The following USP6NL variants were observed in gnomAD, a reference collection of about 807,000 sequenced individuals.
USP6NL encodes USP6 N-terminal like.
In USP6NL, 26 loss-of-function variants were observed where a neutral mutation model predicts 61.9. The observed-to-expected ratio is 0.42, with a 90% CI of 0.31 to 0.58. The LOEUF (loss-of-function observed/expected upper bound fraction) is 0.58. Among genes scored for constraint, USP6NL ranks in the 20% least tolerant of loss-of-function variants. USP6NL has a pLI of 0.16. For synonymous variants in USP6NL, 432 were observed against 390.1 expected (o/e 1.11, Z -1.27); for missense variants, 1,114 against 1,034.3 (o/e 1.08, Z -1.06).
At position 11,478,250 on chromosome 10, in the gene USP6NL, C is replaced by T. The variant is rs552358836; in HGVS notation, c.1078+3520G>A. On this transcript the variant is annotated intron_variant, in intron 14 of 14. Coordinates refer to ENST00000609104, the MANE Select transcript of USP6NL (RefSeq NM_014688.5). This position sits in a 1 kb window ranked among gnomAD's most constrained non-coding sequence, Gnocchi z 6.8. ...GCTTAGGCTCCAACGCCAGTGGCAGCAGCGACGTCCACACACCTGAGGCTG... is the reference window on the plus strand; with the variant it reads ...GCTTAGGCTCCAACGCCAGTGGCAGTAGCGACGTCCACACACCTGAGGCTG... Among the ~76,000 whole-genome samples, 467 of 152,334 alleles carry T rather than the reference C, an allele frequency of 3.1e-3. 1 individual carries two copies. Among genetic ancestry groups the T allele is most frequent in the Non-Finnish European group, 5.7e-3 (390 of 68,026 alleles).
At position 11,525,904 on chromosome 10, in the gene USP6NL, G is replaced by T. The variant is rs1004897685; in HGVS notation, c.73-436C>A. On this transcript the variant is annotated intron_variant, in intron 3 of 14. Transcript: ENST00000609104. This position sits in a 1 kb window ranked among gnomAD's most constrained non-coding sequence, Gnocchi z 5.0. ...AGAGAAGCAGGCAGAGAAGCTCCTC[G>T]TCTAGTTCTTTACTTCACAGCTATG... Among the ~76,000 whole-genome samples, 1 of 152,198 alleles carries T rather than the reference G, an allele frequency of 6.6e-6. No homozygotes were observed. The highest frequency in any genetic ancestry group is 1.5e-5 in the Non-Finnish European group (1 of 68,030).
At position 11,465,795 on chromosome 10, in the gene USP6NL, T is replaced by C. The variant is rs1468790844; in HGVS notation, c.1079-1946A>G. Among the ~76,000 whole-genome samples, 1 of 152,188 alleles carries C rather than the reference T, an allele frequency of 6.6e-6. No homozygotes were observed. Among genetic ancestry groups the C allele is most frequent in the East Asian group, 1.9e-4 (1 of 5,196 alleles). On this transcript the variant is annotated intron_variant, in intron 14 of 14. Transcript: ENST00000609104. The surrounding 1 kb of genome is among the most constrained non-coding windows in gnomAD (Gnocchi z 4.5). ...GACATGAGGCGTTTCTAAGGGCAGC[T>C]ACCCTTAGCTCTATATCCCCAATCT...
chr10:11,471,333 C>G (rs1016619729), intron 14 of USP6NL, among the ~76,000 whole-genome samples: 1 of 152,168 alleles, frequency 6.6e-6, no homozygotes, highest in Admixed American at 6.5e-5. Flanking sequence ...ACAACAGGTG[C>G]TGGAGAGGAT....
chr10:11,483,720 C>T (rs1180832178), intron 13 of USP6NL, among the ~76,000 whole-genome samples: 1 of 77,888 alleles, frequency 1.3e-5, no homozygotes, highest in Non-Finnish European at 2.5e-5. Context: ...GTTGGGGGGC[C>T]GGTGCGGGGA....
rs1209153349 is a variant in USP6NL at position 11,548,914 on chromosome 10, C to G, written c.5-21347G>C. On this transcript the variant is annotated intron_variant, in intron 2 of 14. Coordinates refer to ENST00000609104, the MANE Select transcript of USP6NL (RefSeq NM_014688.5). The surrounding 1 kb of genome is among the most constrained non-coding windows in gnomAD (Gnocchi z 4.3). The stretch of plus-strand genomic sequence containing the variant: ...AGTGCTATTATACCCAGAAAAGTCC[C>G]TAAAGACCATTATTTCCTTTTAAAC... Among the ~76,000 whole-genome samples the G allele has an allele frequency of 6.6e-6, 1 of 152,078 alleles. No individual in the cohort carries two copies. The highest frequency in any genetic ancestry group is 1.5e-5 in the Non-Finnish European group (1 of 67,974).
At chr10:11,560,241 A>C (rs1256118438) in intron 2 of USP6NL, among the ~76,000 whole-genome samples, 1 of 152,180 alleles carries the variant, frequency 6.6e-6, no homozygotes, top group Non-Finnish European at 1.5e-5. Flanking sequence ...TGTTCACAGC[A>C]ACTTCTGAAA....
chr10:11,516,333 G>A (rs998945824), intron 5 of USP6NL, among the ~76,000 whole-genome samples: 4 of 152,192 alleles, frequency 2.6e-5, no homozygotes, highest in African/African-American at 9.6e-5. Flanking sequence ...TGCTTCAAGT[G>A]TATGCTCTAT....
intron 2 of USP6NL, among the ~76,000 whole-genome samples, chr10:11,579,380 A>C (rs1441252879): frequency 6.6e-6 from 1 of 152,224 alleles, no homozygotes; most frequent in Non-Finnish European, 1.5e-5. Context: ...CTTAGCATAG[A>C]GTGTGGCCTC....
chr10:11,594,575 A>G (rs1367117991), intron 2 of USP6NL, among the ~76,000 whole-genome samples: 1 of 152,096 alleles, frequency 6.6e-6, no homozygotes. Context: ...TCCTATCTCT[A>G]GAGTCCAGAA....
intron 2 of USP6NL, among the ~76,000 whole-genome samples, chr10:11,549,382 A>G (rs1422685667): frequency 1.3e-5 from 2 of 152,218 alleles, no homozygotes; most frequent in African/African-American, 4.8e-5. Flanking sequence ...AGAATCCAAA[A>G]TAAGTTTTTG....
chr10:11,502,151 C>T (rs1400823958), intron 6 of USP6NL, among the ~76,000 whole-genome samples: 1 of 150,640 alleles, frequency 6.6e-6, no homozygotes, highest in African/African-American at 2.4e-5. Flanking sequence ...CCCAGCTACT[C>T]GGGAGGCTGA....
At chr10:11,577,026 C>G (rs1837572347) in intron 2 of USP6NL, among the ~76,000 whole-genome samples, 1 of 149,790 alleles carries the variant, frequency 6.7e-6, no homozygotes, top group African/African-American at 2.5e-5. Flanking sequence ...TCCTAAAATC[C>G]TTTTTTAAAA....
rs1161325315 is a variant in USP6NL at position 11,575,149 on chromosome 10, T to C, written c.4+22482A>G. Reference sequence around the variant, plus strand: ...CTCACAAACTAAATCAAAGTAAGAGTTCAGATGGGTCAAAGACTAAGTTTT... The same window carrying C: ...CTCACAAACTAAATCAAAGTAAGAGCTCAGATGGGTCAAAGACTAAGTTTT... On this transcript the variant is annotated intron_variant, in intron 2 of 14. Transcript: ENST00000609104. The surrounding 1 kb of genome is among the most constrained non-coding windows in gnomAD (Gnocchi z 4.2). Among the ~76,000 whole-genome samples, 1 of 152,166 alleles carries C rather than the reference T, an allele frequency of 6.6e-6. No individual in the cohort carries two copies. The highest frequency in any genetic ancestry group is 1.5e-5 in the Non-Finnish European group (1 of 68,020).
At chr10:11,529,845 G>A (rs1412252893) in intron 2 of USP6NL, among the ~76,000 whole-genome samples, 1 of 152,114 alleles carries the variant, frequency 6.6e-6, no homozygotes, top group Non-Finnish European at 1.5e-5. Context: ...AGCTGGGTGT[G>A]GTGGCTCACT....
chr10:11,558,973 A>C (rs191206284), intron 2 of USP6NL, among the ~76,000 whole-genome samples: 1 of 152,336 alleles, frequency 6.6e-6, no homozygotes, highest in East Asian at 1.9e-4. Flanking sequence ...GAAAAACAAA[A>C]CATTGAAAAG....
At chr10:11,582,088 C>G (rs1233122072) in intron 2 of USP6NL, among the ~76,000 whole-genome samples, 1 of 152,208 alleles carries the variant, frequency 6.6e-6, no homozygotes, top group African/African-American at 2.4e-5. Context: ...CCACAGCCTC[C>G]CGAGTAGCTG....
rs1030895242 is a variant in USP6NL at position 11,588,193 on chromosome 10, T to C, written c.4+9438A>G. ...AGAAAATCTGAGGAACTATTCCAGATTGGAGGAGAGTAAAGAGACTGGATG... is the reference window on the plus strand; with the variant it reads ...AGAAAATCTGAGGAACTATTCCAGACTGGAGGAGAGTAAAGAGACTGGATG... On this transcript the variant is annotated intron_variant, in intron 2 of 14. Coordinates refer to ENST00000609104, the MANE Select transcript of USP6NL (RefSeq NM_014688.5). Among the ~76,000 whole-genome samples the C allele has an allele frequency of 2.6e-5, 4 of 152,162 alleles. No individual in the cohort carries two copies. The East Asian group carries it at 7.7e-4, about 29-fold the overall frequency.
Position 11,474,700 on chromosome 10 carries a change from T to A in USP6NL, c.1078+7070A>T, listed in dbSNP as rs1832893961. Among the ~76,000 whole-genome samples, 1 of 151,736 alleles carries A rather than the reference T, an allele frequency of 6.6e-6. No homozygotes were observed. The highest frequency in any genetic ancestry group is 2.4e-5 in the African/African-American group (1 of 41,128). On this transcript the variant is annotated intron_variant, in intron 14 of 14. Coordinates refer to ENST00000609104, the MANE Select transcript of USP6NL (RefSeq NM_014688.5). The surrounding 1 kb of genome is among the most constrained non-coding windows in gnomAD (Gnocchi z 4.9). The stretch of plus-strand genomic sequence containing the variant: ...GAAAATTTGTCCTTGAATTAATGAT[T>A]TTTTTTAAAAAAAACTTGCATCAAC...
At chr10:11,550,825 A>T (rs1836453451) in intron 2 of USP6NL, among the ~76,000 whole-genome samples, 2 of 152,076 alleles carry the variant, frequency 1.3e-5, no homozygotes, top group African/African-American at 4.8e-5. Flanking sequence ...ATTTGAATAG[A>T]CACTTCACAA....
Sources: allele counts gnomAD v4.1 joint callset (sites outside exome capture counted in the v4.1 genomes callset), GRCh38; gene constraint gnomAD v4.1.1; non-coding constraint Gnocchi (gnomAD v3.1); transcripts MANE v1.5; gene names NCBI Gene and HGNC (gene_info 2026-07-23, HGNC 2026-07-21).